UGT1A9: variants seen among roughly 807,000 people sequenced by gnomAD.
UGT1A9 encodes UDP-glucuronosyltransferase 1A9.
In UGT1A9, 35 loss-of-function variants were observed where a neutral mutation model predicts 45.0. The ratio of observed to expected loss-of-function variants is 0.78; its 90% CI spans 0.59 to 1.03. The LOEUF is 1.03. Ranked by LOEUF, UGT1A9 falls within the 50% of genes least tolerant of loss-of-function variation. The pLI is 0.00. For missense variants in UGT1A9, 687 were observed against 666.6 expected, an observed-to-expected ratio of 1.03 and a Z score of -0.34; for synonymous variants, 278 against 250.6, an observed-to-expected ratio of 1.11 and a Z score of -1.03.
At position 233,738,564 on chromosome 2, in the gene UGT1A9, T is replaced by G. The variant is rs1575624453; in HGVS notation, c.856-28470T>G. Reference sequence around the variant, plus strand: ...GAGTCTCAGATAGAGATGAGGAATCTGTTGAGAACTGGAGCAAAGGTCACT... The same window carrying G: ...GAGTCTCAGATAGAGATGAGGAATCGGTTGAGAACTGGAGCAAAGGTCACT... On this transcript the variant is annotated intron_variant, in intron 1 of 4. Transcript: ENST00000354728. Among the ~76,000 whole-genome samples, 3 of 152,322 alleles carry G rather than the reference T, an allele frequency of 2.0e-5. No individual in the cohort carries two copies. The South Asian group carries it at 6.2e-4, about 32-fold the overall frequency.
chr2:233,712,709 G>T (rs1274471996), intron 1 of UGT1A9, among the ~76,000 whole-genome samples: 1 of 152,054 alleles, frequency 6.6e-6, no homozygotes, highest in Non-Finnish European at 1.5e-5. Flanking sequence ...CTTGTGTTGG[G>T]AATTGAATGA....
At chr2:233,747,818 A>C in intron 1 of UGT1A9, 1 of 1,613,506 alleles carries the variant, frequency 6.2e-7, no homozygotes, top group Non-Finnish European at 8.5e-7. Flanking sequence ...CGACCAATTC[A>C]GACCACATGA....
chr2:233,706,918 G>A (rs921108992), intron 1 of UGT1A9, among the ~76,000 whole-genome samples: 4 of 152,304 alleles, frequency 2.6e-5, no homozygotes, highest in Admixed American at 1.3e-4. Context: ...AGCTGCCAGA[G>A]TATGAGTCTG....
Position 233,746,688 on chromosome 2 carries a change from A to G in UGT1A9, c.856-20346A>G, listed in dbSNP as rs575730371. 2.2e-4 allele frequency among the ~76,000 whole-genome samples: 34 copies of G among 151,888 alleles called. 2 individuals carry two copies. The highest frequency in any genetic ancestry group is 7.5e-4 in the African/African-American group (31 of 41,174). On this transcript the variant is annotated intron_variant, in intron 1 of 4. Transcript: ENST00000354728. The stretch of plus-strand genomic sequence containing the variant: ...CTAGCATAGTAGGTAGGGCTCACAC[A>G]TTCCATAAATATTTGGTGGATAAGG...
intron 1 of UGT1A9, among the ~76,000 whole-genome samples, chr2:233,748,374 A>G (rs1187650500): frequency 2.6e-5 from 4 of 151,848 alleles, no homozygotes; most frequent in African/African-American, 9.7e-5. Flanking sequence ...ATGGTTGTGC[A>G]TGTCCTTCAT....
In UGT1A9 at chr2:233,731,687, A is replaced by G. The variant is rs552192672; in HGVS notation, c.856-35347A>G. Among the ~76,000 whole-genome samples, 734 of 152,308 alleles carry G rather than the reference A, an allele frequency of 4.8e-3. 10 individuals carry two copies. Among genetic ancestry groups the G allele is most frequent in the African/African-American group, 0.017 (699 of 41,550 alleles). On this transcript the variant is annotated intron_variant, in intron 1 of 4. Coordinates refer to ENST00000354728, the MANE Select transcript of UGT1A9 (RefSeq NM_021027.3). ...ATTTTCTTAATCCAGTCTATCATTG[A>G]TGGACATTTGGATTGGTTCCAGGTC...
chr2:233,730,376 G>A (rs1316829383), intron 1 of UGT1A9, among the ~76,000 whole-genome samples: 1 of 152,114 alleles, frequency 6.6e-6, no homozygotes, highest in Non-Finnish European at 1.5e-5. Context: ...GATTTTCAGG[G>A]GAAAGATGAT....
At position 233,768,257 on chromosome 2, in the gene UGT1A9, T is replaced by C. The variant is rs139698110; in HGVS notation, c.1113T>C (p.Gly371=). ...CCCGTGCCTTTATCACCCATGCTGG[T>C]TCCCATGGTGTTTATGAAAGCATAT... ...PMTRAFITHA[G]SHGVYESICN... is the part of the protein sequence containing the mutation. The change falls in exon 4 of 5, where the codon GGT becomes GGC. Residue 371 remains glycine, a synonymous_variant. Transcript: ENST00000354728. 1.8e-3 allele frequency: 2,975 copies of C among 1,614,198 alleles called. 7 individuals are homozygous for C. Among genetic ancestry groups the C allele is most frequent in the Non-Finnish European group, 2.4e-3 (2,868 of 1,180,032 alleles).
At chr2:233,715,249 A>T (rs577425759) in intron 1 of UGT1A9, among the ~76,000 whole-genome samples, 3 of 152,282 alleles carry the variant, frequency 2.0e-5, no homozygotes, top group East Asian at 1.9e-4. Context: ...GATGTCTTTT[A>T]AAAAATCCCC....
At chr2:233,750,055 CT>C (rs1365939187) in intron 1 of UGT1A9, among the ~76,000 whole-genome samples, 2 of 151,758 alleles carry the variant, frequency 1.3e-5, no homozygotes, top group Non-Finnish European at 2.9e-5. Context: ...GTGGAAGTGA[CT>C]TTGGAACTGG....
chr2:233,747,509 G>A (rs1693700205), intron 1 of UGT1A9: 24 of 1,607,862 alleles, frequency 1.5e-5, no homozygotes, highest in Non-Finnish European at 1.9e-5. Flanking sequence ...ACACTCAACT[G>A]TACTTTGAAA....
intron 1 of UGT1A9, among the ~76,000 whole-genome samples, chr2:233,696,390 C>T (rs529082756): frequency 2.6e-5 from 4 of 152,010 alleles, no homozygotes; most frequent in African/African-American, 7.2e-5. Context: ...ATTCTTTGTA[C>T]GTTTTGTAAA....
At chr2:233,700,989 G>A (rs1010357196) in intron 1 of UGT1A9, among the ~76,000 whole-genome samples, 4 of 152,026 alleles carry the variant, frequency 2.6e-5, no homozygotes, top group African/African-American at 7.2e-5. Flanking sequence ...TTGTCCTTGC[G>A]ATAGTTTGCT....
At chr2:233,739,018 C>T (rs1339173846) in intron 1 of UGT1A9, 1 of 152,272 alleles carries the variant, frequency 6.6e-6, no homozygotes, top group Non-Finnish European at 1.5e-5. Flanking sequence ...TGGCTCCAGC[C>T]ATGGCTAAAA....
Position 233,747,399 on chromosome 2 carries a change from C to A in UGT1A9, c.856-19635C>A, listed in dbSNP as rs554943916. Reference sequence around the variant, plus strand: ...AGGCCACCAGGCGGTGGTCCTCACCCCAGAGGTGAATATGCACATCAAACA... The same window carrying A: ...AGGCCACCAGGCGGTGGTCCTCACCACAGAGGTGAATATGCACATCAAACA... On this transcript the variant is annotated intron_variant, in intron 1 of 4. Transcript: ENST00000354728. 2.5e-6 allele frequency: 4 copies of A among 1,606,666 alleles called. No individual in the cohort carries two copies. The East Asian group carries it at 8.9e-5, about 36-fold the overall frequency.
intron 1 of UGT1A9, chr2:233,743,993 G>C: frequency 7.9e-7 from 1 of 1,258,672 alleles, no homozygotes; most frequent in Non-Finnish European, 1.0e-6. Context: ...GCAGGCCCGA[G>C]TGCTCGGAGA....
intron 1 of UGT1A9, among the ~76,000 whole-genome samples, chr2:233,721,307 T>C (rs1157154346): frequency 1.3e-5 from 2 of 152,202 alleles, no homozygotes; most frequent in Non-Finnish European, 2.9e-5. Flanking sequence ...GAATAGTGAT[T>C]GTGGCTCTTT....
chr2:233,698,030 A>AT (rs1256116302), intron 1 of UGT1A9, among the ~76,000 whole-genome samples: 4 of 152,048 alleles, frequency 2.6e-5, no homozygotes, highest in Admixed American at 6.6e-5. Context: ...CAATTATCTT[A>AT]TTTTTTCAAA....
intron 1 of UGT1A9, among the ~76,000 whole-genome samples, chr2:233,725,606 C>T (rs1199312835): frequency 2.0e-5 from 3 of 152,058 alleles, no homozygotes; most frequent in South Asian, 4.1e-4. Context: ...ATAGTTTTTT[C>T]TTGCTAAGTC....
Sources: gnomAD v4.1 joint callset for allele counts (sites outside exome capture counted in the v4.1 genomes callset) on GRCh38, gnomAD v4.1.1 for gene constraint, MANE v1.5 for transcripts, NCBI Gene and HGNC (gene_info 2026-07-23, HGNC 2026-07-21) for gene names.